TNPO1: variants seen among roughly 807,000 people sequenced by gnomAD.
TNPO1 encodes the protein transportin 1.
In TNPO1, 8 loss-of-function variants were observed where a neutral mutation model predicts 119.5. The observed-to-expected ratio is 0.07, with a 90% CI of 0.04 to 0.12. The LOEUF (loss-of-function observed/expected upper bound fraction) is 0.12, where lower values mean the gene tolerates loss of function less well. Among genes scored for constraint, TNPO1 ranks in the 10% least tolerant of loss-of-function variants. The pLI is 1.00. For missense variants in TNPO1, 576 were observed against 1,089.8 expected (o/e 0.53, Z 6.64); for synonymous variants, 362 against 363.0 (o/e 1.00, Z 0.03).
At chr5:72,869,171 TA>T (rs1179535533) in intron 6 of TNPO1, among the ~76,000 whole-genome samples, 2 of 152,208 alleles carry the variant, frequency 1.3e-5, no homozygotes, top group African/African-American at 4.8e-5. Flanking sequence ...CTCCTATTTA[TA>T]AGGTAAATTT....
At chr5:72,879,984 T>C in intron 9 of TNPO1, among the ~76,000 whole-genome samples, 1 of 152,106 alleles carries the variant, frequency 6.6e-6, no homozygotes, top group East Asian at 1.9e-4. Context: ...GCTCAGGAGT[T>C]CAAGACCAGC....
At chr5:72,851,673 T>C (rs371764701) in intron 3 of TNPO1, among the ~76,000 whole-genome samples, 4 of 152,204 alleles carry the variant, frequency 2.6e-5, no homozygotes, top group East Asian at 3.8e-4. Context: ...TTTGTATTTT[T>C]AGTAGAGACA....
Position 72,861,884 on chromosome 5 carries a change from G to T in TNPO1, c.432G>T (p.Leu144=), listed in dbSNP as rs1032810961. The change falls in exon 5 of 25, where the codon CTG becomes CTT. Residue 144 remains leucine (L), a synonymous_variant. Coordinates refer to ENST00000337273, the MANE Select transcript of TNPO1 (RefSeq NM_002270.4). ...ACCTCTTACCAAAACTCTGTAGCCTGTTGGATTCTGAAGATTATAATACCT... is the reference window on the plus strand; with the variant it reads ...ACCTCTTACCAAAACTCTGTAGCCTTTTGGATTCTGAAGATTATAATACCT... The part of the protein sequence containing the change: ...WPDLLPKLCS[L]LDSEDYNTCE... 1 of 1,613,150 alleles carries T rather than the reference G, an allele frequency of 6.2e-7. No homozygotes were observed. Among genetic ancestry groups the T allele is most frequent in the Non-Finnish European group, 8.5e-7 (1 of 1,179,136 alleles).
intron 24 of TNPO1, among the ~76,000 whole-genome samples, chr5:72,908,023 A>T (rs1163033118): frequency 6.6e-6 from 1 of 152,216 alleles, no homozygotes; most frequent in Non-Finnish European, 1.5e-5. Context: ...ACTGCGTTCC[A>T]GCCTGGGTGA....
At chr5:72,883,034 C>T (rs1461520127) in intron 10 of TNPO1, 30 bp from the exon 11 acceptor site, 1 of 1,552,110 alleles carries the variant, frequency 6.4e-7, no homozygotes, top group Admixed American at 1.7e-5. Flanking sequence ...TAATGAATGC[C>T]ACCAAAAATT....
At chr5:72,846,769 C>T (rs1745148472) in intron 1 of TNPO1, among the ~76,000 whole-genome samples, 1 of 152,022 alleles carries the variant, frequency 6.6e-6, no homozygotes, top group Non-Finnish European at 1.5e-5. Flanking sequence ...TGTAAAAATC[C>T]ATCTATGGAT....
At chr5:72,825,474 T>G (rs577888614) in intron 1 of TNPO1, among the ~76,000 whole-genome samples, 1 of 152,068 alleles carries the variant, frequency 6.6e-6, no homozygotes, top group Admixed American at 6.6e-5. Flanking sequence ...GATCATGAGG[T>G]CAGGAGATCG....
Position 72,866,247 on chromosome 5 carries a change from G to A in TNPO1, c.596+518G>A, listed in dbSNP as rs1013946686. Among the ~76,000 whole-genome samples, 7 of 152,006 alleles carry A rather than the reference G, an allele frequency of 4.6e-5. No individual in the cohort carries two copies. In the South Asian group the frequency reaches 8.3e-4, roughly 18 times the overall value. ...TGGCTGTTGTTCCCATCTTTATGTCGAGGTGTACCATATGTTTAGCTCCCA... is the reference window on the plus strand; with the variant it reads ...TGGCTGTTGTTCCCATCTTTATGTCAAGGTGTACCATATGTTTAGCTCCCA... On this transcript the variant is annotated intron_variant, in intron 6 of 24. Coordinates refer to ENST00000337273, the MANE Select transcript of TNPO1 (RefSeq NM_002270.4).
intron 3 of TNPO1, 84 bp downstream of exon 3, chr5:72,851,403 T>G: frequency 1.2e-6 from 1 of 841,616 alleles, no homozygotes; most frequent in Non-Finnish European, 1.9e-6. Flanking sequence ...TTCAAAGGAT[T>G]TCATTTTGTA....
Position 72,913,215 on chromosome 5 carries a change from A to G in TNPO1, c.*4542A>G, listed in dbSNP as rs970294804. 6.6e-6 allele frequency: 1 copy of G among 152,486 alleles called. No homozygotes were observed. The highest frequency in any genetic ancestry group is 1.5e-5 in the Non-Finnish European group (1 of 67,920). 9.4% of individuals were successfully genotyped at this position (152,486 alleles called of 1,614,324 possible). Reference sequence around the variant, plus strand: ...CTGTATTAAATATGGAGATACTTCTAATGCCTCTCTAAAATTAAATTTTAC... The same window carrying G: ...CTGTATTAAATATGGAGATACTTCTGATGCCTCTCTAAAATTAAATTTTAC... On this transcript the variant is annotated 3_prime_UTR_variant, in exon 25 of 25. Transcript: ENST00000337273.
Position 72,868,431 on chromosome 5 carries a change from CAAAAAAAAAAA to C in TNPO1, c.596+2720_596+2730del, listed in dbSNP as rs200691585. Among the ~76,000 whole-genome samples the C allele has an allele frequency of 3.6e-3, 98 of 27,072 alleles. 1 individual carries two copies. Among genetic ancestry groups the C allele is most frequent in the South Asian group, 0.01 (4 of 400 alleles). 17.8% of individuals were successfully genotyped at this position (27,072 alleles called of 152,430 possible). The stretch of plus-strand genomic sequence containing the variant: ...TGGATGACAGAGCAAGACTCCGTCT[CAAAAAAAAAAA>C]AAAAAAAAAAAAAAAAACACAAAAT... On this transcript the variant is annotated intron_variant, in intron 6 of 24. Coordinates refer to ENST00000337273, the MANE Select transcript of TNPO1 (RefSeq NM_002270.4).
chr5:72,836,984 C>G (rs907408896), intron 1 of TNPO1, among the ~76,000 whole-genome samples: 4 of 152,276 alleles, frequency 2.6e-5, no homozygotes, highest in Non-Finnish European at 5.9e-5. Flanking sequence ...ACAGAGAGGA[C>G]CACTTAAGAA....
chr5:72,907,161 T>C (rs1750232387), intron 24 of TNPO1, among the ~76,000 whole-genome samples: 1 of 152,284 alleles, frequency 6.6e-6, no homozygotes, highest in East Asian at 1.9e-4. Context: ...CAAGAGCTGT[T>C]TTCCAAAATG....
At chr5:72,869,071 C>T (rs1747173839) in intron 6 of TNPO1, among the ~76,000 whole-genome samples, 1 of 152,112 alleles carries the variant, frequency 6.6e-6, no homozygotes, top group South Asian at 2.1e-4. Context: ...AAGAGTTGTA[C>T]AAACAGCTCA....
At chr5:72,822,590 C>CTTTT (rs766069525) in intron 1 of TNPO1, among the ~76,000 whole-genome samples, 3 of 132,928 alleles carry the variant, frequency 2.3e-5, no homozygotes, top group South Asian at 2.4e-4. Flanking sequence ...AAGTTCTACA[C>CTTTT]TTTTTTTTTT....
chr5:72,870,158 CTT>C (rs200118076), intron 6 of TNPO1, among the ~76,000 whole-genome samples: 1 of 106,166 alleles, frequency 9.4e-6, no homozygotes, highest in Non-Finnish European at 1.8e-5. Flanking sequence ...ATACTAATTG[CTT>C]TTTTTTTTTT....
chr5:72,874,644 A>G (rs1388672625), intron 7 of TNPO1, among the ~76,000 whole-genome samples: 1 of 152,180 alleles, frequency 6.6e-6, no homozygotes, highest in African/African-American at 2.4e-5. Context: ...GGAAATCAAC[A>G]TTTTAAAAAT....
rs1175624726 is a variant in TNPO1 at position 72,912,142 on chromosome 5, A to C, written c.*3469A>C. On this transcript the variant is annotated 3_prime_UTR_variant, in exon 25 of 25. Transcript: ENST00000337273. ...ATAATCAACATGTAAATAATCTTTT[A>C]AGAGCCAGTTCTGATGCTTTACATT... The C allele has an allele frequency of 6.6e-6, 1 of 152,506 alleles. No homozygotes were observed. Among genetic ancestry groups the C allele is most frequent in the African/African-American group, 2.4e-5 (1 of 41,448 alleles). 9.4% of individuals were successfully genotyped at this position (152,506 alleles called of 1,614,324 possible).
At chr5:72,822,715 C>T (rs376676597) in intron 1 of TNPO1, among the ~76,000 whole-genome samples, 52 of 151,512 alleles carry the variant, frequency 3.4e-4, no homozygotes, top group African/African-American at 1.3e-3. Flanking sequence ...GCCTCAGCCT[C>T]CCGAGTAGCT....
Sources: allele counts gnomAD v4.1 joint callset (sites outside exome capture counted in the v4.1 genomes callset), GRCh38; gene constraint gnomAD v4.1.1; transcripts MANE v1.5; gene names NCBI Gene and HGNC (gene_info 2026-07-23, HGNC 2026-07-21).